The following NFE2L3 variants were observed in gnomAD, a reference collection of about 807,000 sequenced individuals.
The protein encoded by NFE2L3 is nuclear factor erythroid 2-related factor 3.
Under a neutral mutation model 23.5 loss-of-function variants are expected in NFE2L3, and 18 were observed. The observed-to-expected ratio is 0.77, with a 90% confidence interval of 0.53 to 1.13. NFE2L3 has a LOEUF of 1.13. Ranked by LOEUF, NFE2L3 falls within the 50% of genes most tolerant of loss-of-function variation. NFE2L3 has a pLI of 0.00. For missense variants in NFE2L3, 1,152 were observed against 877.2 expected, an observed-to-expected ratio of 1.31 and a Z score of -3.96; for synonymous variants, 424 against 354.5, an observed-to-expected ratio of 1.20 and a Z score of -2.20.
chr7:26,185,486 T>G lies in NFE2L3; in HGVS notation c.1788T>G (p.Arg596=). ...ATAAAGTTGCTGCGCAGAACTGTCG[T>G]AAACGCAAATTGGACATAATTTTGA... ...GKNKVAAQNC[R]KRKLDIILNL... The change falls in exon 4 of 4, where the codon CGT becomes CGG. Residue 596 remains arginine (R), a synonymous_variant. Coordinates refer to ENST00000056233, the MANE Select transcript of NFE2L3 (RefSeq NM_004289.7). 6.2e-7 allele frequency: 1 copy of G among 1,614,018 alleles called. No individual in the cohort carries two copies. The highest frequency in any genetic ancestry group is 8.5e-7 in the Non-Finnish European group (1 of 1,179,878).
intron 3 of NFE2L3, 89 bp from the exon 4 acceptor site, chr7:26,184,436 GGAATTGAC>G (rs1782427193): frequency 9.2e-7 from 1 of 1,085,292 alleles, no homozygotes; most frequent in African/African-American, 1.6e-5. Flanking sequence ...TAAATGTAGA[GGAATTGAC>G]AAAAGAGGGG....
Position 26,161,364 on chromosome 7 carries a change from TG to T in NFE2L3, c.570+8299del, listed in dbSNP as rs777634085. 8.0e-3 allele frequency among the ~76,000 whole-genome samples: 360 copies of T among 44,842 alleles called. 31 individuals are homozygous for T. Among genetic ancestry groups the T allele is most frequent in the East Asian group, 0.047 (56 of 1,194 alleles). The allele number at this position is 44,842 out of a possible 152,430, so 29.4% of individuals were successfully genotyped here. Reference sequence around the variant, plus strand: ...TTTTTTTTTTTTTTTTTTTTTTTTTTGGGTCTTACCTTTCTTTAGAGTTTCT... The same window carrying T: ...TTTTTTTTTTTTTTTTTTTTTTTTTTGGTCTTACCTTTCTTTAGAGTTTCT... On this transcript the variant is annotated intron_variant, in intron 1 of 3. Coordinates refer to ENST00000056233, the MANE Select transcript of NFE2L3 (RefSeq NM_004289.7).
At chr7:26,176,140 T>C (rs1325854620) in intron 1 of NFE2L3, among the ~76,000 whole-genome samples, 1 of 152,104 alleles carries the variant, frequency 6.6e-6, no homozygotes, top group Non-Finnish European at 1.5e-5. Flanking sequence ...AACCCTGAGT[T>C]GACACAGCAC....
In NFE2L3 at chr7:26,185,317, A is replaced by G. The variant is rs13309648; in HGVS notation, c.1619A>G (p.Gln540Arg). Residue 540 changes from glutamine (Q) to arginine (R), a missense_variant, in exon 4 of 4, where the codon CAG (glutamine) becomes CGG (arginine). Gln to Arg is a conservative substitution (Grantham distance 43, BLOSUM62 1). Transcript: ENST00000056233. ...GATAGAAACTTGAGCCGTGATGAAC[A>G]GCGTGCTAAAGCTTTGCATATCCCT... ...DTDRNLSRDE[Q>R]RAKALHIPFS... 2 of 1,614,144 alleles carry G rather than the reference A, an allele frequency of 1.2e-6. No individual in the cohort carries two copies. The highest frequency in any genetic ancestry group is 2.2e-5 in the South Asian group (2 of 91,082).
At chr7:26,182,557 G>A (rs1010444597) in intron 2 of NFE2L3, among the ~76,000 whole-genome samples, 2 of 145,012 alleles carry the variant, frequency 1.4e-5, no homozygotes, top group East Asian at 3.9e-4. Context: ...GAACCCAGGA[G>A]GCGGAGATTG....
chr7:26,173,597 G>T (rs1784357034), intron 1 of NFE2L3: 3 of 152,090 alleles, frequency 2.0e-5, no homozygotes, highest in African/African-American at 7.2e-5. Flanking sequence ...ACCTTACCTT[G>T]GCAAAAGATG....
chr7:26,175,331 C>T (rs1322366792), intron 1 of NFE2L3, among the ~76,000 whole-genome samples: 1 of 151,442 alleles, frequency 6.6e-6, no homozygotes, highest in Non-Finnish European at 1.5e-5. Context: ...CTGCGCTCCA[C>T]CCTGGGCGAC....
chr7:26,180,611 C>T (rs1458141004), intron 2 of NFE2L3, among the ~76,000 whole-genome samples: 1 of 152,214 alleles, frequency 6.6e-6, no homozygotes, highest in African/African-American at 2.4e-5. Flanking sequence ...TAGTCTTTCA[C>T]TTATTTAACA....
chr7:26,183,728 T>A lies in NFE2L3; in HGVS notation c.778T>A (p.Phe260Ile), dbSNP rs751702041. ...ACATCTGAATGGGACAGATACTTCT[T>A]TCTCTCTGGAAGACTTATTCCAGTT... is the stretch of plus-strand genomic sequence containing the variant. ...ERHLNGTDTSFSLEDLFQLLS... is the reference protein window; with the variant it reads ...ERHLNGTDTSISLEDLFQLLS... Residue 260 changes from phenylalanine (F) to isoleucine (I), a missense_variant, in exon 3 of 4, where the codon TTC becomes ATC. Transcript: ENST00000056233. 2 of 1,612,400 alleles carry A rather than the reference T, an allele frequency of 1.2e-6. No individual in the cohort carries two copies. The highest frequency in any genetic ancestry group is 3.3e-5 in the Admixed American group (2 of 60,018).
chr7:26,185,626 A>C lies in NFE2L3; in HGVS notation c.1928A>C (p.His643Pro). Residue 643 changes from histidine to proline, a missense_variant, in exon 4 of 4, where the codon CAT becomes CCT. Coordinates refer to ENST00000056233, the MANE Select transcript of NFE2L3 (RefSeq NM_004289.7). ...IMKQKLHDLYHDIFSRLRDDQ... is the reference protein window; with the variant it reads ...IMKQKLHDLYPDIFSRLRDDQ... ...AAACAGAAACTGCATGACCTTTATC[A>C]TGATATTTTTAGTAGATTAAGAGAT... 1 of 1,613,446 alleles carries C rather than the reference A, an allele frequency of 6.2e-7. No individual in the cohort carries two copies. Among genetic ancestry groups the C allele is most frequent in the Non-Finnish European group, 8.5e-7 (1 of 1,179,476 alleles).
intron 1 of NFE2L3, among the ~76,000 whole-genome samples, chr7:26,164,509 T>G (rs987764777): frequency 1.3e-5 from 2 of 151,876 alleles, no homozygotes; most frequent in Non-Finnish European, 2.9e-5. Context: ...GGGTTGTTTG[T>G]TTTTTTCTTG....
At chr7:26,179,393 A>G (rs1304490424) in intron 2 of NFE2L3, among the ~76,000 whole-genome samples, 2 of 152,034 alleles carry the variant, frequency 1.3e-5, no homozygotes, top group African/African-American at 2.4e-5. Context: ...CTAGCTATCC[A>G]GGAGGCTGAG....
intron 1 of NFE2L3, among the ~76,000 whole-genome samples, chr7:26,166,208 G>A (rs1784249722): frequency 6.6e-6 from 1 of 152,168 alleles, no homozygotes; most frequent in South Asian, 2.1e-4. Context: ...CAGCCATGTG[G>A]TCAGGGGCAG....
At chr7:26,157,550 A>G (rs113957548) in intron 1 of NFE2L3, among the ~76,000 whole-genome samples, 6 of 152,340 alleles carry the variant, frequency 3.9e-5, no homozygotes, top group African/African-American at 7.2e-5. Flanking sequence ...CTCCTGGGCA[A>G]TTGGACAAGA....
rs747992568 is a variant in NFE2L3, at chr7:26,185,629, ATAT to A, written c.1933_1935del (p.Ile645del). On this transcript the variant is annotated inframe_deletion, in exon 4 of 4. Transcript: ENST00000056233. ...CAGAAACTGCATGACCTTTATCATG[ATAT>A]TTTTAGTAGATTAAGAGATGACCAA... 3 of 1,613,886 alleles carry A rather than the reference ATAT, an allele frequency of 1.9e-6. No homozygotes were observed. The highest frequency in any genetic ancestry group is 2.5e-6 in the Non-Finnish European group (3 of 1,179,802).
In NFE2L3 at chr7:26,153,071, A is replaced by T. The variant is rs1456721803; in HGVS notation, c.570+3A>T. The T allele has an allele frequency of 6.6e-7, 1 of 1,525,816 alleles. No homozygotes were observed. The highest frequency in any genetic ancestry group is 2.0e-5 in the Admixed American group (1 of 49,814). The allele number at this position is 1,525,816 out of a possible 1,614,324, so 94.5% of individuals were successfully genotyped here. ...ACGCTGGCGGATGTGCGAGCGAGGT[A>T]GGTGCAGAGCGGGAAGCGAGCGAAG... On this transcript the variant is annotated splice_donor_region_variant and intron_variant, in intron 1 of 3. Transcript: ENST00000056233.
At chr7:26,156,334 T>C (rs1195469125) in intron 1 of NFE2L3, among the ~76,000 whole-genome samples, 2 of 152,210 alleles carry the variant, frequency 1.3e-5, no homozygotes, top group African/African-American at 4.8e-5. Context: ...GGAACATAAT[T>C]TTTAATTTTA....
chr7:26,174,790 A>T (rs1784373755), intron 1 of NFE2L3: 1 of 152,208 alleles, frequency 6.6e-6, no homozygotes, highest in South Asian at 2.1e-4. Context: ...TTCCTGGAAG[A>T]AACAGAAAGA....
chr7:26,153,804 C>T (rs1313423045), intron 1 of NFE2L3, among the ~76,000 whole-genome samples: 1 of 152,218 alleles, frequency 6.6e-6, no homozygotes, highest in African/African-American at 2.4e-5. Context: ...AGATCTGTTG[C>T]TTGAAACATC....
Sources: allele counts gnomAD v4.1 joint callset (sites outside exome capture counted in the v4.1 genomes callset), GRCh38; gene constraint gnomAD v4.1.1; transcripts MANE v1.5; gene names NCBI Gene and HGNC (gene_info 2026-07-23, HGNC 2026-07-21).